The following SLC25A26 variants were observed in gnomAD, a reference collection of about 807,000 sequenced individuals.
SLC25A26 encodes mitochondrial S-adenosylmethionine carrier protein.
A neutral mutation model predicts 37.8 loss-of-function variants in SLC25A26; 36 were observed. The observed-to-expected ratio is 0.95, with a 90% CI of 0.73 to 1.26. The LOEUF is 1.26. Among genes scored for constraint, SLC25A26 ranks in the 50% most tolerant of loss-of-function variants. SLC25A26 has a pLI of 0.00. For missense variants in SLC25A26, 390 were observed against 331.1 expected, an observed-to-expected ratio of 1.18 and a Z score of -1.38; for synonymous variants, 129 against 122.5, an observed-to-expected ratio of 1.05 and a Z score of -0.35.
At chr3:66,184,622 C>CTCTGTATTACATGCTCAAA (rs2070790011) in intron 1 of SLC25A26, among the ~76,000 whole-genome samples, 1 of 152,128 alleles carries the variant, frequency 6.6e-6, no homozygotes, top group African/African-American at 2.4e-5. Context: ...ACATGCTCAA[C>CTCTGTATTACATGCTCAAA]CAAATCCTCA....
At chr3:66,139,887 A>G (rs1278162125) in intron 1 of SLC25A26, among the ~76,000 whole-genome samples, 1 of 152,352 alleles carries the variant, frequency 6.6e-6, no homozygotes, top group East Asian at 1.9e-4. Flanking sequence ...ACACTAAATT[A>G]GTTTAAGGAT....
intron 5 of SLC25A26, among the ~76,000 whole-genome samples, chr3:66,343,458 T>C (rs1225575194): frequency 6.6e-6 from 1 of 152,248 alleles, no homozygotes. Context: ...TTACTGTCGC[T>C]CCCTTTTTAA....
At chr3:66,309,153 T>C (rs935962887) in intron 5 of SLC25A26, among the ~76,000 whole-genome samples, 35 of 152,190 alleles carry the variant, frequency 2.3e-4, no homozygotes, top group African/African-American at 8.4e-4. Flanking sequence ...GGGCTCTTTT[T>C]GGTTGGTAGG....
rs372319094 is a variant in SLC25A26, at chr3:66,274,963, G to A, written c.453+11584G>A. Among the ~76,000 whole-genome samples the A allele has an allele frequency of 4.6e-5, 7 of 152,016 alleles. No individual in the cohort carries two copies. The East Asian group carries it at 1.2e-3, about 25-fold the overall frequency. ...AGACACATGCAAACGTATGTTTATT[G>A]CGGCACTATTCACAATAGCAAAGAC... is the stretch of plus-strand genomic sequence containing the variant. On this transcript the variant is annotated intron_variant, in intron 5 of 9. Transcript: ENST00000354883.
chr3:66,276,758 T>C (rs1250672324), intron 5 of SLC25A26, among the ~76,000 whole-genome samples: 1 of 152,050 alleles, frequency 6.6e-6, no homozygotes, highest in African/African-American at 2.4e-5. Flanking sequence ...GATAATTTAT[T>C]GACTAGTGGA....
At chr3:66,264,267 C>T (rs1030580960) in intron 5 of SLC25A26, among the ~76,000 whole-genome samples, 4 of 151,634 alleles carry the variant, frequency 2.6e-5, no homozygotes, top group African/African-American at 4.8e-5. Flanking sequence ...GCAACAAGAG[C>T]GACTCTGTCT....
At chr3:66,196,706 A>G (rs1360595273) in intron 1 of SLC25A26, among the ~76,000 whole-genome samples, 1 of 55,684 alleles carries the variant, frequency 1.8e-5, no homozygotes, top group Admixed American at 2.5e-4. Context: ...CAATAACTTT[A>G]AAAAAACTAA....
intron 5 of SLC25A26, 55 bp downstream of exon 5, chr3:66,263,434 G>T: frequency 8.9e-7 from 1 of 1,120,504 alleles, no homozygotes; most frequent in Non-Finnish European, 1.3e-6. Flanking sequence ...CCTTTGTTCA[G>T]TAAATTTATA....
intron 5 of SLC25A26, among the ~76,000 whole-genome samples, chr3:66,276,523 G>A (rs1404821480): frequency 5.9e-5 from 9 of 152,068 alleles, no homozygotes; most frequent in African/African-American, 2.2e-4. Context: ...TGTATGGGCA[G>A]AACACAATGA....
At chr3:66,302,613 A>C (rs1335066629) in intron 5 of SLC25A26, among the ~76,000 whole-genome samples, 1 of 152,192 alleles carries the variant, frequency 6.6e-6, no homozygotes, top group Non-Finnish European at 1.5e-5. Context: ...GCCTTTGCTG[A>C]TAGGTCACCA....
chr3:66,327,409 T>C (rs920022840), intron 5 of SLC25A26, among the ~76,000 whole-genome samples: 5 of 152,324 alleles, frequency 3.3e-5, no homozygotes, highest in African/African-American at 1.2e-4. Flanking sequence ...TATAATTGTT[T>C]TATATATTTC....
At chr3:66,327,446 T>C (rs2075865836) in intron 5 of SLC25A26, among the ~76,000 whole-genome samples, 1 of 152,192 alleles carries the variant, frequency 6.6e-6, no homozygotes. Context: ...TAAGATCGCT[T>C]CCCACTCATA....
intron 5 of SLC25A26, among the ~76,000 whole-genome samples, chr3:66,291,832 T>A (rs2074720803): frequency 6.6e-6 from 1 of 152,232 alleles, no homozygotes; most frequent in Non-Finnish European, 1.5e-5. Context: ...GGTCCAGAGC[T>A]GAGTTCAAGT....
intron 6 of SLC25A26, among the ~76,000 whole-genome samples, chr3:66,354,221 T>G (rs1305358227): frequency 1.3e-5 from 2 of 152,122 alleles, no homozygotes; most frequent in African/African-American, 4.8e-5. Flanking sequence ...GGAGAACTGT[T>G]AAGAATACTG....
chr3:66,209,887 T>G, intron 1 of SLC25A26, among the ~76,000 whole-genome samples: 1 of 90,122 alleles, frequency 1.1e-5, no homozygotes, highest in African/African-American at 4.1e-5. Flanking sequence ...CTCCTCTCTC[T>G]CTCTCTCTAT....
At chr3:66,355,785 G>A (rs892134249) in intron 6 of SLC25A26, among the ~76,000 whole-genome samples, 1 of 152,208 alleles carries the variant, frequency 6.6e-6, no homozygotes, top group Non-Finnish European at 1.5e-5. Flanking sequence ...GTATGTGCAC[G>A]AAAATCATTG....
chr3:66,315,424 G>C (rs1050604936), intron 5 of SLC25A26, among the ~76,000 whole-genome samples: 1 of 152,096 alleles, frequency 6.6e-6, no homozygotes, highest in African/African-American at 2.4e-5. Context: ...ATATACCTTT[G>C]TGGTGTTGAG....
rs1246925596 is a variant in SLC25A26 at position 66,155,898 on chromosome 3, C to T, written c.-354+21914C>T. Among the ~76,000 whole-genome samples the T allele has an allele frequency of 5.9e-5, 9 of 152,184 alleles. No individual in the cohort carries two copies. In the East Asian group the frequency reaches 1.7e-3, roughly 29 times the overall value. On this transcript the variant is annotated intron_variant, in intron 1 of 10. Coordinates refer to the SLC25A26 transcript ENST00000676754. ...CCTCTGCTTTGATCATACATGAGACCAGACCACTCCACTCTCTCATTTTAA... is the reference window on the plus strand; with the variant it reads ...CCTCTGCTTTGATCATACATGAGACTAGACCACTCCACTCTCTCATTTTAA...
chr3:66,304,305 G>A (rs931584711), intron 5 of SLC25A26: 2 of 398,846 alleles, frequency 5.0e-6, no homozygotes, highest in Admixed American at 2.8e-5. Flanking sequence ...GAATCTTGGG[G>A]GCCTCCCACA....
Sources: allele counts gnomAD v4.1 joint callset (sites outside exome capture counted in the v4.1 genomes callset), GRCh38; gene constraint gnomAD v4.1.1; transcripts MANE v1.5; gene names NCBI Gene and HGNC (gene_info 2026-07-23, HGNC 2026-07-21).